Variants in LTF observed in about 807,000 individuals in gnomAD.
LTF encodes lactotransferrin, also known as epididymis luminal protein 110.
In LTF, 91 loss-of-function variants were observed where a neutral mutation model predicts 87.2. The observed-to-expected ratio is 1.04, with a 90% CI of 0.88 to 1.24. The LOEUF (loss-of-function observed/expected upper bound fraction) is 1.24, where lower values mean the gene tolerates loss of function less well. Ranked by LOEUF, LTF falls within the 50% of genes most tolerant of loss-of-function variation. The probability of loss-of-function intolerance (pLI) is 0.00; values close to 1 mark genes in which losing one functional copy is unlikely to be tolerated. For missense variants in LTF, 901 were observed against 904.3 expected, an observed-to-expected ratio of 1.00 and a Z score of 0.05; for synonymous variants, 378 against 356.1, an observed-to-expected ratio of 1.06 and a Z score of -0.69.
At chr3:46,481,797 G>C (rs1703434535) in intron 1 of LTF, among the ~76,000 whole-genome samples, 1 of 152,146 alleles carries the variant, frequency 6.6e-6, no homozygotes, top group African/African-American at 2.4e-5. Flanking sequence ...TGTAGAAATT[G>C]GTGCAATCAC....
intron 12 of LTF, 58 bp from the exon 13 acceptor site, chr3:46,443,640 T>G: frequency 6.3e-7 from 1 of 1,580,436 alleles, no homozygotes; most frequent in Non-Finnish European, 8.7e-7. Context: ...ACAAGCAACC[T>G]TTACCTAACA....
chr3:46,449,364 C>T (rs748708257), intron 8 of LTF, among the ~76,000 whole-genome samples: 1 of 152,162 alleles, frequency 6.6e-6, no homozygotes, highest in Non-Finnish European at 1.5e-5. Flanking sequence ...GCCTAGGGGA[C>T]CTTGAGCCCA....
At chr3:46,483,579 C>A (rs1703478641) in intron 1 of LTF, among the ~76,000 whole-genome samples, 1 of 152,082 alleles carries the variant, frequency 6.6e-6, no homozygotes, top group East Asian at 1.9e-4. Context: ...AAATCAGTGC[C>A]CGTGAGGCCA....
chr3:46,449,060 T>C lies in LTF; in HGVS notation c.1058-43A>G, dbSNP rs895805944. The C allele has an allele frequency of 3.2e-6, 5 of 1,565,950 alleles. No individual in the cohort carries two copies. The African/African-American group carries it at 6.8e-5, about 21-fold the overall frequency. On this transcript the variant is annotated intron_variant, in intron 8 of 16. Transcript: ENST00000231751. ...GCAGGTGGCTGGGCAACCTGAGCTTTGCCAGGTTGTCCAACCTCCCCAGAG... is the reference window on the plus strand; with the variant it reads ...GCAGGTGGCTGGGCAACCTGAGCTTCGCCAGGTTGTCCAACCTCCCCAGAG...
chr3:46,447,350 C>A lies in LTF; in HGVS notation c.1261G>T (p.Ala421Ser). The change falls in exon 10 of 17, where the codon GCA (alanine) becomes TCA (serine). Residue 421 changes from alanine to serine, a missense_variant. Transcript: ENST00000231751. ...MSLDGGYVYT[A>S]GKCGLVPVLA... ...ACAGGCACCAAACCACATTTGCCTG[C>A]AGTGTACACATATCCTCCATCCAAA... The A allele has an allele frequency of 6.2e-7, 1 of 1,614,178 alleles. No individual in the cohort carries two copies. The highest frequency in any genetic ancestry group is 8.5e-7 in the Non-Finnish European group (1 of 1,180,018).
At chr3:46,450,425 A>G in intron 7 of LTF, 70 bp downstream of exon 7, 1 of 1,504,894 alleles carries the variant, frequency 6.6e-7, no homozygotes, top group Non-Finnish European at 9.0e-7. Flanking sequence ...GGCAGAAGTC[A>G]GGGAAGTAAG....
chr3:46,456,877 C>T (rs1201303127), intron 2 of LTF, among the ~76,000 whole-genome samples: 2 of 152,166 alleles, frequency 1.3e-5, no homozygotes, highest in African/African-American at 4.8e-5. Flanking sequence ...TTAGTGGTCC[C>T]CAACTTTTTT....
chr3:46,480,148 C>T (rs1703414988), intron 1 of LTF, among the ~76,000 whole-genome samples: 3 of 152,152 alleles, frequency 2.0e-5, no homozygotes, highest in Non-Finnish European at 4.4e-5. Flanking sequence ...GACTCGCTGC[C>T]ATTCAGAATG....
intron 10 of LTF, among the ~76,000 whole-genome samples, chr3:46,446,751 C>A (rs1702663997): frequency 1.3e-5 from 2 of 152,204 alleles, no homozygotes; most frequent in South Asian, 4.1e-4. Flanking sequence ...TAGACTCACA[C>A]AGCGACGAGA....
At position 46,460,600 on chromosome 3, in the gene LTF, G is replaced by A. The variant is rs1245116089; in HGVS notation, c.44-781C>T. ...GATAAAAGGCATCCACAAAAAACCTGCAATGAACATCATACTAAAATGGTG... is the reference window on the plus strand; with the variant it reads ...GATAAAAGGCATCCACAAAAAACCTACAATGAACATCATACTAAAATGGTG... On this transcript the variant is annotated intron_variant, in intron 1 of 16. Transcript: ENST00000231751. 14 of 455,080 alleles carry A rather than the reference G, an allele frequency of 3.1e-5. No individual in the cohort carries two copies. In the Admixed American group the frequency reaches 3.3e-4, roughly 11 times the overall value. The allele number at this position is 455,080 out of a possible 1,614,324, so 28.2% of individuals were successfully genotyped here.
rs1000511349 is a variant in LTF, at chr3:46,443,599, C to A, written c.1514-17G>T. ...AATATTCATCTGGAGAGAAGGAACA[C>A]GGGGAGTCAGCTCTTCAAACCTGAG... On this transcript the variant is annotated splice_polypyrimidine_tract_variant and intron_variant, in intron 12 of 16. Transcript: ENST00000231751. 1.4e-5 allele frequency: 22 copies of A among 1,613,570 alleles called. No homozygotes were observed. The highest frequency in any genetic ancestry group is 1.8e-5 in the Non-Finnish European group (21 of 1,179,888).
rs141374231 is a variant in LTF, at chr3:46,456,325, C to T, written c.281G>A (p.Arg94Gln). 9.9e-6 allele frequency: 16 copies of T among 1,614,036 alleles called. No homozygotes were observed. The African/African-American group carries it at 1.9e-4, about 19-fold the overall frequency. Residue 94 changes from arginine to glutamine, a missense_variant, in exon 3 of 17, where the codon CGA (arginine) becomes CAA (glutamine). By Grantham distance (43) the Arg-to-Gln change is conservative. Coordinates refer to ENST00000231751, the MANE Select transcript of LTF (RefSeq NM_002343.6). ...YEAGLAPYKL[R>Q]PVAAEVYGTE... ...CCCGTAGACTTCCGCCGCTACAGGT[C>T]GCAGTTTGTAGGGGGCCAGGCCTGC...
chr3:46,479,587 G>A (rs112734644), intron 1 of LTF, among the ~76,000 whole-genome samples: 8,161 of 152,158 alleles, frequency 0.054, 762 homozygotes, highest in African/African-American at 0.19. Flanking sequence ...GCAGTGGCAC[G>A]ATCTCAACTC....
intron 11 of LTF, among the ~76,000 whole-genome samples, 159 bp downstream of exon 11, chr3:46,446,281 T>C (rs1478088970): frequency 6.6e-6 from 1 of 151,652 alleles, no homozygotes; most frequent in East Asian, 1.9e-4. Flanking sequence ...ATTAGAACTA[T>C]TCCTCTGTGA....
At chr3:46,449,552 C>T (rs1559598561) in intron 8 of LTF, among the ~76,000 whole-genome samples, 3 of 152,164 alleles carry the variant, frequency 2.0e-5, no homozygotes, top group Admixed American at 6.5e-5. Flanking sequence ...TAAATCCAGG[C>T]CCCCGGATTC....
At chr3:46,456,160 A>T in intron 3 of LTF, 130 bp downstream of exon 3, 1 of 931,354 alleles carries the variant, frequency 1.1e-6, no homozygotes, top group East Asian at 2.6e-5. Context: ...CCCAGAGCCC[A>T]GCGACTCCAT....
chr3:46,484,533 T>C (rs542348003), intron 1 of LTF, among the ~76,000 whole-genome samples: 50 of 152,164 alleles, frequency 3.3e-4, no homozygotes, highest in African/African-American at 1.1e-3. Flanking sequence ...CCCTAAAAAA[T>C]TGCATGTCCC....
At chr3:46,439,584 C>A (rs1702466932) in intron 14 of LTF, 104 bp from the exon 15 acceptor site, 2 of 955,734 alleles carry the variant, frequency 2.1e-6, no homozygotes, top group Non-Finnish European at 1.5e-6. Flanking sequence ...AATGCACACA[C>A]TGGGGTTGTG....
At chr3:46,444,503 T>C (rs1380577443) in intron 12 of LTF, among the ~76,000 whole-genome samples, 2 of 152,240 alleles carry the variant, frequency 1.3e-5, no homozygotes, top group Non-Finnish European at 2.9e-5. Flanking sequence ...AGACTCCCAC[T>C]GCTGCTGGAA....
Sources: gnomAD v4.1 joint callset for allele counts (sites outside exome capture counted in the v4.1 genomes callset) on GRCh38, gnomAD v4.1.1 for gene constraint, MANE v1.5 for transcripts, NCBI Gene and HGNC (gene_info 2026-07-23, HGNC 2026-07-21) for gene names.